PLA2G4B: variants seen among roughly 807,000 people sequenced by gnomAD.
PLA2G4B encodes cytosolic phospholipase A2 beta.
A neutral mutation model predicts 95.8 loss-of-function variants in PLA2G4B; 122 were observed. The observed-to-expected ratio is 1.27, with a 90% CI of 1.10 to 1.48. PLA2G4B has a LOEUF of 1.48. PLA2G4B is among the 40% of genes most tolerant of loss of function. PLA2G4B has a pLI of 0.00. For missense variants in PLA2G4B, 1,158 were observed against 996.2 expected, an observed-to-expected ratio of 1.16 and a Z score of -2.19; for synonymous variants, 518 against 421.5, an observed-to-expected ratio of 1.23 and a Z score of -2.80.
Position 41,841,553 on chromosome 15 carries a change from G to C in PLA2G4B, c.472G>C (p.Glu158Gln), listed in dbSNP as rs566853369. Residue 158 changes from glutamate (E) to glutamine (Q), a missense_variant, in exon 7 of 20, where the codon GAG (glutamate) becomes CAG (glutamine). Coordinates refer to ENST00000458483, the MANE Select transcript of PLA2G4B (RefSeq NM_001114633.2). ...ELSCLHVQLEETGDQKSSEHR... is the reference protein window; with the variant it reads ...ELSCLHVQLEQTGDQKSSEHR... The stretch of plus-strand genomic sequence containing the variant: ...CTCCTGCTTGCACGTTCAACTGGAG[G>C]AGACAGGAGACCAGAAGTGTGAGTC... 3 of 1,614,058 alleles carry C rather than the reference G, an allele frequency of 1.9e-6. No homozygotes were observed. The highest frequency in any genetic ancestry group is 4.5e-5 in the East Asian group (2 of 44,878).
Position 41,847,705 on chromosome 15 carries a change from G to T in PLA2G4B, c.2191G>T (p.Asp731Tyr). The change falls in exon 20 of 20, where the codon GAC becomes TAC. Residue 731 changes from aspartate to tyrosine, a missense_variant. Transcript: ENST00000458483. ...TGGGGAGGTGAACCTGTCTTCATCG[G>T]ACTCTCCCTACCACTACACGAAGGT... ...AAGEVNLSSS[D>Y]SPYHYTKVTY... 1.2e-6 allele frequency: 2 copies of T among 1,613,640 alleles called. No individual in the cohort carries two copies. Among genetic ancestry groups the T allele is most frequent in the Admixed American group, 3.3e-5 (2 of 60,020 alleles).
chr15:41,845,358 T>C (rs2065518678), intron 14 of PLA2G4B, 38 bp downstream of exon 14: 1 of 1,603,930 alleles, frequency 6.2e-7, no homozygotes, highest in Admixed American at 1.7e-5. Flanking sequence ...GCCCTTGCAG[T>C]TGGTGGAATA....
At chr15:41,840,070 T>G in intron 1 of PLA2G4B, 88 bp from the exon 2 acceptor site, 1 of 1,468,270 alleles carries the variant, frequency 6.8e-7, no homozygotes, top group Non-Finnish European at 9.3e-7. Context: ...GGATTAGGCC[T>G]TGAGGCACTG....
chr15:41,840,877 G>A lies in PLA2G4B; in HGVS notation c.323G>A (p.Arg108Gln), dbSNP rs752705085. 1.7e-5 allele frequency: 27 copies of A among 1,613,572 alleles called. No homozygotes were observed. The East Asian group carries it at 1.8e-4, about 11-fold the overall frequency. Reference sequence around the variant, plus strand: ...GGGACTCTGCGGGCTGGGGAGTTCCGGCGCGAGAGCTTCTCACTGAGCCCT... The same window carrying A: ...GGGACTCTGCGGGCTGGGGAGTTCCAGCGCGAGAGCTTCTCACTGAGCCCT... ...DAGTLRAGEF[R>Q]RESFSLSPQG... Residue 108 changes from arginine to glutamine, a missense_variant, in exon 4 of 20, where the codon CGG (arginine) becomes CAG (glutamine). Physicochemically the swap from Arg to Gln is conservative, Grantham distance 43 (BLOSUM62 1). Coordinates refer to ENST00000458483, the MANE Select transcript of PLA2G4B (RefSeq NM_001114633.2).
chr15:41,842,357 C>A, intron 9 of PLA2G4B, 81 bp downstream of exon 9: 2 of 1,586,024 alleles, frequency 1.3e-6, no homozygotes, highest in Non-Finnish European at 1.7e-6. Flanking sequence ...CTGCTTCCCG[C>A]TTCTCCGTGG....
chr15:41,844,427 C>A, intron 11 of PLA2G4B, 44 bp from the exon 12 acceptor site: 1 of 1,612,832 alleles, frequency 6.2e-7, no homozygotes, highest in South Asian at 1.1e-5. Context: ...CTTGGCCTTC[C>A]CCATCCCTAG....
rs889754023 is a variant in PLA2G4B at position 41,845,418 on chromosome 15, C to T, written c.1357+98C>T. 20 of 1,501,954 alleles carry T rather than the reference C, an allele frequency of 1.3e-5. 1 individual carries two copies. The highest frequency in any genetic ancestry group is 1.7e-5 in the Non-Finnish European group (19 of 1,105,798). The allele number at this position is 1,501,954 out of a possible 1,614,324, so 93.0% of individuals were successfully genotyped here. Reference sequence around the variant, plus strand: ...GATTGCAGATGTCACACCCACCTCTCCTGAGCCAGGTCCCGTGCTTTCTGG... The same window carrying T: ...GATTGCAGATGTCACACCCACCTCTTCTGAGCCAGGTCCCGTGCTTTCTGG... On this transcript the variant is annotated intron_variant, in intron 14 of 19. Coordinates refer to ENST00000458483, the MANE Select transcript of PLA2G4B (RefSeq NM_001114633.2).
Position 41,841,913 on chromosome 15 carries a change from A to G in PLA2G4B, c.585A>G (p.Pro195=), listed in dbSNP as rs779958914. ...VGTGTFRFHC[P]ACWEQELSIR... Reference sequence around the variant, plus strand: ...CTGGCACCTTCCGCTTCCACTGCCCAGCCTGCTGGGAGCAGGAGCTGAGTA... The same window carrying G: ...CTGGCACCTTCCGCTTCCACTGCCCGGCCTGCTGGGAGCAGGAGCTGAGTA... Residue 195 remains proline (P), a synonymous_variant, in exon 8 of 20, where the codon CCA becomes CCG. Transcript: ENST00000458483. The G allele has an allele frequency of 6.2e-7, 1 of 1,613,246 alleles. No individual in the cohort carries two copies. The highest frequency in any genetic ancestry group is 8.5e-7 in the Non-Finnish European group (1 of 1,179,890).
chr15:41,841,250 C>A lies in PLA2G4B; in HGVS notation c.412C>A (p.Leu138Ile). Residue 138 changes from leucine to isoleucine, a missense_variant, in exon 6 of 20, where the codon CTC becomes ATC. By Grantham distance (5) the Leu-to-Ile change is conservative (BLOSUM62 2). Transcript: ENST00000458483. ...TTCCAGGGCTGACCGTGGCGAGTGG[C>A]TCGTCAGCAATGGCGTTCTGGTGGT... The part of the protein sequence containing the change: ...LQSLADRGEW[L>I]VSNGVLVARE... The A allele has an allele frequency of 6.2e-6, 10 of 1,613,526 alleles. No individual in the cohort carries two copies. Among genetic ancestry groups the A allele is most frequent in the Non-Finnish European group, 8.5e-6 (10 of 1,179,998 alleles).
intron 8 of PLA2G4B, 43 bp downstream of exon 8, chr15:41,841,992 C>A: frequency 6.3e-7 from 1 of 1,589,010 alleles, no homozygotes; most frequent in South Asian, 1.1e-5. Context: ...CCAGAACTTC[C>A]TCCCTCCCTC....
In PLA2G4B at chr15:41,845,250, C is replaced by A. The variant is rs2065516616; in HGVS notation, c.1287C>A (p.Gly429=). 2 of 1,614,048 alleles carry A rather than the reference C, an allele frequency of 1.2e-6. No homozygotes were observed. The highest frequency in any genetic ancestry group is 2.2e-5 in the South Asian group (2 of 91,084). Residue 429 remains glycine, a synonymous_variant, in exon 14 of 20, where the codon GGC becomes GGA. Coordinates refer to ENST00000458483, the MANE Select transcript of PLA2G4B (RefSeq NM_001114633.2). ...ATCAACGGGAGGCCCTGAGTCATGG[C>A]CAGAACCCTCTGCCCATCTACTGTG... ...LSDQREALSH[G]QNPLPIYCAL...
rs535335451 is a variant in PLA2G4B at position 41,846,924 on chromosome 15, G to C, written c.1947+89G>C. The C allele has an allele frequency of 1.5e-3, 2,131 of 1,450,316 alleles. 11 individuals are homozygous for C. The highest frequency in any genetic ancestry group is 6.0e-3 in the South Asian group (409 of 68,630). 89.8% of individuals were successfully genotyped at this position (1,450,316 alleles called of 1,614,324 possible). On this transcript the variant is annotated intron_variant, in intron 18 of 19. Transcript: ENST00000458483. ...GCTTTGGAGTCCAGTGTCTGGTTCA[G>C]CTTCCTTTAGGAGCTGTGATTGGGA...
At chr15:41,845,488 C>T in intron 14 of PLA2G4B, 150 bp from the exon 15 acceptor site, 1 of 1,460,780 alleles carries the variant, frequency 6.8e-7, no homozygotes, top group Non-Finnish European at 9.1e-7. Flanking sequence ...GGGAAGGAGG[C>T]AGGGGCCTTA....
intron 11 of PLA2G4B, 37 bp from the exon 12 acceptor site, chr15:41,844,434 C>T: frequency 6.2e-7 from 1 of 1,613,854 alleles, no homozygotes; most frequent in Non-Finnish European, 8.5e-7. Flanking sequence ...TTCCCCATCC[C>T]TAGGGCCTCT....
intron 11 of PLA2G4B, among the ~76,000 whole-genome samples, chr15:41,844,126 A>G (rs1305459555): frequency 6.6e-6 from 1 of 152,158 alleles, no homozygotes; most frequent in Non-Finnish European, 1.5e-5. Flanking sequence ...CAGGAGGTTC[A>G]TATTAGCCTG....
chr15:41,840,170 A>G lies in PLA2G4B; in HGVS notation c.22A>G (p.Arg8Gly). The G allele has an allele frequency of 1.2e-6, 2 of 1,613,184 alleles. 1 individual carries two copies. Among genetic ancestry groups the G allele is most frequent in the South Asian group, 2.2e-5 (2 of 91,072 alleles). MAVAEVS[R>G]TCLLTVRVLQ... is the part of the protein sequence containing the mutation. ...CCCACCTCTGCAGGCAGAGGTGTCC[A>G]GGACCTGCCTGCTCACGGTTCGTGT... is the stretch of plus-strand genomic sequence containing the variant. Residue 8 changes from arginine (R) to glycine (G), a missense_variant, in exon 2 of 20, where the codon AGG (arginine) becomes GGG (glycine). Transcript: ENST00000458483.
chr15:41,838,957 A>T, intron 1 of PLA2G4B, 35 bp downstream of exon 1: 1 of 1,547,450 alleles, frequency 6.5e-7, no homozygotes. Flanking sequence ...CCCTACTGGG[A>T]CCCCTGGTCT....
At position 41,844,924 on chromosome 15, in the gene PLA2G4B, C is replaced by G; in HGVS notation, c.1093C>G (p.Gln365Glu). Reference sequence around the variant, plus strand: ...AGGGCCCACTGAGTTGCTGAAGACCCAGGTGACCAAGAACAAGCTGGGTGT... The same window carrying G: ...AGGGCCCACTGAGTTGCTGAAGACCGAGGTGACCAAGAACAAGCTGGGTGT... ...LAGPTELLKTQVTKNKLGVLA... is the reference protein window; with the variant it reads ...LAGPTELLKTEVTKNKLGVLA... Residue 365 changes from glutamine to glutamate, a missense_variant, in exon 13 of 20, where the codon CAG (glutamine) becomes GAG (glutamate). By Grantham distance (29) the Gln-to-Glu change is conservative (BLOSUM62 2). Transcript: ENST00000458483. 1 of 1,612,584 alleles carries G rather than the reference C, an allele frequency of 6.2e-7. No individual in the cohort carries two copies. The highest frequency in any genetic ancestry group is 8.5e-7 in the Non-Finnish European group (1 of 1,179,486).
chr15:41,841,600 C>T (rs1222571716), intron 7 of PLA2G4B, 29 bp downstream of exon 7: 9 of 1,613,834 alleles, frequency 5.6e-6, no homozygotes, highest in East Asian at 4.5e-5. Context: ...GGGACAGCCC[C>T]TGGCTCTCAG....
Sources: allele counts gnomAD v4.1 joint callset (sites outside exome capture counted in the v4.1 genomes callset), GRCh38; gene constraint gnomAD v4.1.1; transcripts MANE v1.5; gene names NCBI Gene and HGNC (gene_info 2026-07-23, HGNC 2026-07-21).